Variants in DST observed in about 807,000 individuals in gnomAD.
The protein encoded by DST is dystonin, also known as bullous pemphigoid antigen.
DST carries 253 observed loss-of-function variants against 875.2 expected under a neutral mutation model. The observed-to-expected ratio is 0.29, with a 90% confidence interval of 0.26 to 0.32. DST has a LOEUF of 0.32. DST is among the 10% of genes least tolerant of loss of function. DST has a pLI of 1.00. For synonymous variants in DST, 3,124 were observed against 3,197.1 expected (o/e 0.98, Z 0.77); for missense variants, 8,287 against 9,111.6 (o/e 0.91, Z 3.68).
intron 10 of DST, among the ~76,000 whole-genome samples, chr6:56,666,393 T>A (rs1684636309): frequency 6.6e-6 from 1 of 152,196 alleles, no homozygotes; most frequent in Non-Finnish European, 1.5e-5. Flanking sequence ...TCTTACTAAG[T>A]CACCTATCAC....
intron 5 of DST, among the ~76,000 whole-genome samples, chr6:56,733,236 T>C (rs1017331258): frequency 1.3e-5 from 2 of 152,012 alleles, no homozygotes; most frequent in Admixed American, 1.3e-4. Context: ...AACTCTAAGG[T>C]AAAGAGGCAA....
rs768383458 is a variant in DST, at chr6:56,572,930, C to G, written c.13371G>C (p.Arg4457=). 7.4e-6 allele frequency: 12 copies of G among 1,613,108 alleles called. No homozygotes were observed. Among genetic ancestry groups the G allele is most frequent in the Non-Finnish European group, 1.0e-5 (12 of 1,179,646 alleles). ...TGTGTTTATGACTTGCTTCTGAAAA[C>G]CGAGCAGACAAGTCTTTCATTTTGG... ...LQAKMKDLSA[R]FSEASHKHKE... The change falls in exon 52 of 104, where the codon CGG becomes CGC. Residue 4457 remains arginine (R), a synonymous_variant. Coordinates refer to ENST00000680361, the MANE Select transcript of DST (RefSeq NM_001374736.1).
intron 47 of DST, among the ~76,000 whole-genome samples, chr6:56,596,673 C>T (rs986104330): frequency 1.3e-5 from 2 of 152,084 alleles, no homozygotes; most frequent in African/African-American, 4.8e-5. Flanking sequence ...ACAGGGAGTA[C>T]CCTATTCCAA....
intron 4 of DST, among the ~76,000 whole-genome samples, chr6:56,818,680 A>ATGT (rs1243586381): frequency 2.6e-5 from 4 of 152,184 alleles, no homozygotes; most frequent in African/African-American, 9.7e-5. Flanking sequence ...ATTCAGAGTA[A>ATGT]TATAACTTCA....
chr6:56,470,012 T>C, intron 96 of DST, 55 bp from the exon 97 acceptor site: 1 of 1,605,100 alleles, frequency 6.2e-7, no homozygotes. Flanking sequence ...CATAGTACAA[T>C]CCTTAAAACT....
intron 3 of DST, 115 bp downstream of exon 3, chr6:56,900,305 GA>G (rs1312085222): frequency 1.2e-6 from 1 of 864,848 alleles, no homozygotes; most frequent in African/African-American, 1.8e-5. Context: ...CACTTGTTGG[GA>G]ATAACAACAA....
chr6:56,675,055 C>T (rs1008004724), intron 9 of DST, among the ~76,000 whole-genome samples: 2 of 152,124 alleles, frequency 1.3e-5, no homozygotes, highest in East Asian at 1.9e-4. Flanking sequence ...GGTACTGACA[C>T]GAAAACAGAC....
At chr6:56,738,052 TG>T (rs1180508370) in intron 4 of DST, among the ~76,000 whole-genome samples, 2 of 152,076 alleles carry the variant, frequency 1.3e-5, no homozygotes, top group Admixed American at 6.6e-5. Flanking sequence ...CCAATAAGAA[TG>T]GGGGGGAGGA....
chr6:56,735,302 A>AT lies in DST; in HGVS notation c.626-14_626-13insA, dbSNP rs1563930416. The AT allele has an allele frequency of 6.8e-7, 1 of 1,465,182 alleles. No homozygotes were observed. Among genetic ancestry groups the AT allele is most frequent in the Non-Finnish European group, 9.3e-7 (1 of 1,070,460 alleles). The allele number at this position is 1,465,182 out of a possible 1,614,324, so 90.8% of individuals were successfully genotyped here. On this transcript the variant is annotated splice_polypyrimidine_tract_variant and intron_variant, in intron 4 of 103. Coordinates refer to ENST00000680361, the MANE Select transcript of DST (RefSeq NM_001374736.1). ...TTGTCCCGTTCATCTGGAAGGAAAAAATATATATAAAGATAAGGTTGGTAA... is the reference window on the plus strand; with the variant it reads ...TTGTCCCGTTCATCTGGAAGGAAAAATATATATATAAAGATAAGGTTGGTAA...
intron 55 of DST, among the ~76,000 whole-genome samples, chr6:56,563,829 A>C (rs890609014): frequency 6.6e-6 from 1 of 152,174 alleles, no homozygotes. Flanking sequence ...TCATTTATTA[A>C]ATAGGGAATC....
At chr6:56,872,358 A>T (rs1473770854) in intron 3 of DST, among the ~76,000 whole-genome samples, 1 of 152,226 alleles carries the variant, frequency 6.6e-6, no homozygotes, top group Non-Finnish European at 1.5e-5. Flanking sequence ...CTAAAATTTT[A>T]AAATTAAAAT....
chr6:56,771,098 T>C (rs2099659483), intron 4 of DST, among the ~76,000 whole-genome samples: 1 of 151,944 alleles, frequency 6.6e-6, no homozygotes. Context: ...AACATATCTC[T>C]TCTGGTCAAT....
chr6:56,479,903 T>TGTA lies in DST; in HGVS notation c.21531+2144_21531+2146dup, dbSNP rs538903728. Among the ~76,000 whole-genome samples the TGTA allele has an allele frequency of 3.0e-4, 46 of 152,298 alleles. No homozygotes were observed. The East Asian group carries it at 8.1e-3, about 27-fold the overall frequency. On this transcript the variant is annotated intron_variant, in intron 90 of 103. Transcript: ENST00000680361. ...ACTCAATATACTCATATAGCAAACG[T>TGTA]GTACATGTACTCTCTGAATTTAAAT...
At chr6:56,888,312 T>C (rs1785627518) in intron 3 of DST, among the ~76,000 whole-genome samples, 1 of 152,202 alleles carries the variant, frequency 6.6e-6, no homozygotes, top group South Asian at 2.1e-4. Flanking sequence ...CAGCAATATG[T>C]AGCAAAGACT....
intron 2 of DST, among the ~76,000 whole-genome samples, chr6:56,948,360 T>A (rs533364357): frequency 6.6e-6 from 1 of 152,266 alleles, no homozygotes; most frequent in South Asian, 2.1e-4. Context: ...AAAATAAGGG[T>A]GACTTGAACA....
At chr6:56,462,352 C>T (rs534594673) in intron 102 of DST, among the ~76,000 whole-genome samples, 98 of 152,228 alleles carry the variant, frequency 6.4e-4, no homozygotes, top group African/African-American at 2.2e-3. Context: ...TAAATATCTT[C>T]TCCCCATATA....
chr6:56,529,873 T>A (rs1363560826), intron 65 of DST, 99 bp from the exon 66 acceptor site: 1 of 1,479,480 alleles, frequency 6.8e-7, no homozygotes, highest in East Asian at 2.4e-5. Context: ...TTAAATGGAT[T>A]TAGTTTGCAA....
chr6:56,746,649 G>C (rs1056929963), intron 4 of DST, among the ~76,000 whole-genome samples: 4 of 152,146 alleles, frequency 2.6e-5, no homozygotes, highest in Non-Finnish European at 5.9e-5. Flanking sequence ...GCTATAAGGA[G>C]AGAGGTTGGT....
intron 4 of DST, among the ~76,000 whole-genome samples, chr6:56,751,714 T>C (rs1406554806): frequency 2.0e-5 from 3 of 152,206 alleles, no homozygotes; most frequent in Admixed American, 6.5e-5. Context: ...ATTTAGCAGC[T>C]TCTGTATAAC....
Sources: allele counts gnomAD v4.1 joint callset (sites outside exome capture counted in the v4.1 genomes callset), GRCh38; gene constraint gnomAD v4.1.1; transcripts MANE v1.5; gene names NCBI Gene and HGNC (gene_info 2026-07-23, HGNC 2026-07-21).